TBXAS1: variants seen among roughly 807,000 people sequenced by gnomAD.
TBXAS1 encodes thromboxane-A synthase.
In TBXAS1, 48 loss-of-function variants were observed where a neutral mutation model predicts 60.7. The observed-to-expected ratio is 0.79, with a 90% CI of 0.63 to 1.01. The LOEUF is 1.01. Among genes scored for constraint, TBXAS1 ranks in the 50% least tolerant of loss-of-function variants. The pLI is 0.00. For synonymous variants in TBXAS1, 287 were observed against 269.7 expected (o/e 1.06, Z -0.63); for missense variants, 685 against 686.3 (o/e 1.00, Z 0.02).
intron 1 of TBXAS1, among the ~76,000 whole-genome samples, chr7:139,867,689 C>T (rs1385660653): frequency 3.3e-5 from 5 of 151,988 alleles, no homozygotes; most frequent in East Asian, 1.9e-4. Context: ...GCGTGGTGGG[C>T]GCCTGTAATC....
At chr7:140,007,917 T>C (rs928947084) in intron 10 of TBXAS1, among the ~76,000 whole-genome samples, 3 of 152,196 alleles carry the variant, frequency 2.0e-5, no homozygotes, top group African/African-American at 7.2e-5. Context: ...CAAAACCAAC[T>C]ATTGTGCTTC....
rs150114960 is a variant in TBXAS1 at position 139,957,915 on chromosome 7, G to A, written c.819+151G>A. 2,220 of 1,209,438 alleles carry A rather than the reference G, an allele frequency of 1.8e-3. 38 individuals are homozygous for A. The African/African-American group carries it at 0.03, about 16-fold the overall frequency. The allele number at this position is 1,209,438 out of a possible 1,614,324, so 74.9% of individuals were successfully genotyped here. A position where few individuals can be genotyped will look rare whatever the true frequency, so the allele number is the denominator to read the frequency against. The stretch of plus-strand genomic sequence containing the variant: ...ACTTACAGCTTCCAGGGACAGTGGA[G>A]AGAACAGAGGAAGGTTGAGGAAGGT... On this transcript the variant is annotated intron_variant, in intron 8 of 12. Transcript: ENST00000448866.
At chr7:139,919,627 C>G (rs1403604210) in intron 4 of TBXAS1, among the ~76,000 whole-genome samples, 2 of 152,202 alleles carry the variant, frequency 1.3e-5, no homozygotes, top group African/African-American at 2.4e-5. Flanking sequence ...AACCCGGTTA[C>G]AGCAGAAATG....
chr7:139,931,642 C>T (rs1807337096), intron 4 of TBXAS1, among the ~76,000 whole-genome samples: 1 of 152,130 alleles, frequency 6.6e-6, no homozygotes, highest in South Asian at 2.1e-4. Flanking sequence ...ACCATCAGAT[C>T]TTGTAAGACT....
intron 2 of TBXAS1, among the ~76,000 whole-genome samples, chr7:139,875,094 C>T (rs761848586): frequency 2.0e-5 from 3 of 151,992 alleles, no homozygotes; most frequent in African/African-American, 4.8e-5. Context: ...AACTCTGTCT[C>T]GAAAAAACAA....
intron 9 of TBXAS1, among the ~76,000 whole-genome samples, chr7:139,993,887 T>C (rs1813102761): frequency 6.9e-6 from 1 of 145,978 alleles, no homozygotes; most frequent in South Asian, 2.1e-4. Flanking sequence ...TCTTTTTCTT[T>C]CTTTCTTTTT....
chr7:139,973,475 C>T (rs979983171), intron 9 of TBXAS1, among the ~76,000 whole-genome samples: 46 of 151,954 alleles, frequency 3.0e-4, no homozygotes, highest in Admixed American at 2.6e-4. Context: ...GGCCCAGACA[C>T]TCCTTTAACC....
intron 1 of TBXAS1, among the ~76,000 whole-genome samples, chr7:139,836,582 C>A (rs1257577679): frequency 6.6e-6 from 1 of 152,122 alleles, no homozygotes; most frequent in Non-Finnish European, 1.5e-5. Context: ...CCTTTATCAA[C>A]AAATGGTACT....
intron 9 of TBXAS1, among the ~76,000 whole-genome samples, chr7:139,993,888 C>CTTTTTTTTTTTTTTTTTTTTT (rs1297350500): frequency 7.3e-6 from 1 of 137,730 alleles, no homozygotes; most frequent in African/African-American, 2.8e-5. Context: ...CTTTTTCTTT[C>CTTTTTTTTTTTTTTTTTTTTT]TTTCTTTTTT....
chr7:140,017,708 A>C lies in TBXAS1; in HGVS notation c.1402A>C (p.Thr468Pro), dbSNP rs1166208391. 2 of 1,613,838 alleles carry C rather than the reference A, an allele frequency of 1.2e-6. No individual in the cohort carries two copies. Among genetic ancestry groups the C allele is most frequent in the South Asian group, 2.2e-5 (2 of 91,070 alleles). The change falls in exon 12 of 13, where the codon ACG becomes CCG. Residue 468 changes from threonine (T) to proline (P), a missense_variant. Coordinates refer to ENST00000448866, the MANE Select transcript of TBXAS1 (RefSeq NM_001061.7). Reference protein sequence around the residue: ...AEARQQHRPFTYLPFGAGPRS... With the variant: ...AEARQQHRPFPYLPFGAGPRS... ...GGCCCGGCAGCAGCACCGGCCCTTC[A>C]CGTACCTGCCCTTCGGGGCCGGCCC...
chr7:139,922,348 C>T (rs1806550078), intron 4 of TBXAS1, among the ~76,000 whole-genome samples: 1 of 151,946 alleles, frequency 6.6e-6, no homozygotes, highest in African/African-American at 2.4e-5. Context: ...GTGATCTGCC[C>T]ACCTTCACCT....
intron 8 of TBXAS1, among the ~76,000 whole-genome samples, chr7:139,959,494 A>G (rs1810156568): frequency 6.6e-6 from 1 of 152,172 alleles, no homozygotes. Flanking sequence ...AGCCTCCCTG[A>G]TGCCATGTGA....
chr7:139,789,935 C>T (rs1316951561), intron 4 of TBXAS1, among the ~76,000 whole-genome samples: 1 of 152,104 alleles, frequency 6.6e-6, no homozygotes, highest in African/African-American at 2.4e-5. Flanking sequence ...CCGGCCTAAA[C>T]ATATTTTCTT....
intron 10 of TBXAS1, among the ~76,000 whole-genome samples, chr7:140,008,479 G>A: frequency 8.2e-6 from 1 of 121,380 alleles, no homozygotes; most frequent in Admixed American, 1.0e-4. Context: ...ATGGAGTCTT[G>A]CTCTGTTGCC....
At chr7:139,981,858 T>C (rs1812002709) in intron 9 of TBXAS1, among the ~76,000 whole-genome samples, 1 of 152,234 alleles carries the variant, frequency 6.6e-6, no homozygotes. Flanking sequence ...AGAAAACTCT[T>C]ATCAGAAAGA....
chr7:139,953,536 A>C, intron 6 of TBXAS1, 80 bp downstream of exon 6: 1 of 1,360,360 alleles, frequency 7.4e-7, no homozygotes, highest in Admixed American at 1.7e-5. Context: ...GCTGACAATT[A>C]CCTTGGGACT....
chr7:139,786,238 G>T (rs1167153491), intron 3 of TBXAS1, among the ~76,000 whole-genome samples: 2 of 151,586 alleles, frequency 1.3e-5, no homozygotes, highest in Non-Finnish European at 2.9e-5. Context: ...AATAATGTCT[G>T]CCTCATCAGT....
chr7:139,857,870 A>G (rs113018335), intron 1 of TBXAS1, among the ~76,000 whole-genome samples: 2,401 of 151,924 alleles, frequency 0.016, 37 homozygotes, highest in Non-Finnish European at 0.019. Context: ...AGGTGGGTCT[A>G]CAGGCACACA....
At chr7:139,873,017 AG>A (rs1429443452) in intron 2 of TBXAS1, among the ~76,000 whole-genome samples, 2 of 152,188 alleles carry the variant, frequency 1.3e-5, no homozygotes, top group African/African-American at 4.8e-5. Flanking sequence ...AGCACTAAAT[AG>A]GGTGGTATAG....
Sources: allele counts gnomAD v4.1 joint callset (sites outside exome capture counted in the v4.1 genomes callset), GRCh38; gene constraint gnomAD v4.1.1; transcripts MANE v1.5; gene names NCBI Gene and HGNC (gene_info 2026-07-23, HGNC 2026-07-21).